PPP1R16B: variants seen among roughly 807,000 people sequenced by gnomAD.
The protein encoded by PPP1R16B is protein phosphatase 1 regulatory inhibitor subunit 16B.
In PPP1R16B, 14 loss-of-function variants were observed where a neutral mutation model predicts 61.7. The ratio of observed to expected loss-of-function variants is 0.23; its 90% CI spans 0.15 to 0.35. The LOEUF (loss-of-function observed/expected upper bound fraction) is 0.35, where lower values mean the gene tolerates loss of function less well. Ranked by LOEUF, PPP1R16B falls within the 10% of genes least tolerant of loss-of-function variation. The probability of loss-of-function intolerance (pLI) is 1.00; values close to 1 mark genes in which losing one functional copy is unlikely to be tolerated. For missense variants in PPP1R16B, 547 were observed against 752.5 expected (o/e 0.73, Z 3.19); for synonymous variants, 266 against 305.3 (o/e 0.87, Z 1.34).
Position 38,851,263 on chromosome 20 carries a change from G to A in PPP1R16B, c.250+15088G>A, listed in dbSNP as rs144227806. ...GTGGATCACCAGAGGTCAGGAGTTC[G>A]AGACCAGCCTGGCCAACATGGTGAA... On this transcript the variant is annotated intron_variant, in intron 2 of 10. Transcript: ENST00000299824. Among the ~76,000 whole-genome samples the A allele has an allele frequency of 7.7e-3, 1,169 of 152,052 alleles. 5 individuals are homozygous for A. The highest frequency in any genetic ancestry group is 0.014 in the Non-Finnish European group (921 of 67,956).
chr20:38,829,501 T>C (rs1404850813), intron 1 of PPP1R16B, among the ~76,000 whole-genome samples: 1 of 152,236 alleles, frequency 6.6e-6, no homozygotes, highest in Admixed American at 6.5e-5. Context: ...TATGTCTCCA[T>C]GGAGCTGGTT....
intron 2 of PPP1R16B, among the ~76,000 whole-genome samples, chr20:38,862,924 C>G (rs373415565): frequency 6.6e-6 from 1 of 152,112 alleles, no homozygotes; most frequent in Non-Finnish European, 1.5e-5. Flanking sequence ...TTCTGATGTT[C>G]GAAAGAGGGT....
At chr20:38,858,169 A>G (rs2085021231) in intron 2 of PPP1R16B, among the ~76,000 whole-genome samples, 1 of 151,984 alleles carries the variant, frequency 6.6e-6, no homozygotes, top group Non-Finnish European at 1.5e-5. Flanking sequence ...CTATCTCCCA[A>G]AAGTCCCATC....
intron 3 of PPP1R16B, among the ~76,000 whole-genome samples, chr20:38,892,752 C>A (rs945362707): frequency 6.6e-6 from 1 of 152,136 alleles, no homozygotes; most frequent in African/African-American, 2.4e-5. Context: ...AGAAAGACTT[C>A]TAAGAGGAAG....
At chr20:38,890,299 C>A (rs1308099104) in intron 3 of PPP1R16B, among the ~76,000 whole-genome samples, 1 of 152,242 alleles carries the variant, frequency 6.6e-6, no homozygotes, top group Non-Finnish European at 1.5e-5. Flanking sequence ...ACTCAAAGTT[C>A]TCTGGTGTCT....
intron 3 of PPP1R16B, 28 bp downstream of exon 3, chr20:38,889,693 G>A (rs760219719): frequency 6.5e-7 from 1 of 1,539,992 alleles, no homozygotes; most frequent in Non-Finnish European, 9.0e-7. Flanking sequence ...GGGGCTCCAG[G>A]GCTCCCTGCC....
intron 2 of PPP1R16B, among the ~76,000 whole-genome samples, chr20:38,846,482 A>G (rs998952388): frequency 6.6e-6 from 1 of 152,146 alleles, no homozygotes; most frequent in Non-Finnish European, 1.5e-5. Flanking sequence ...GTGGCATCTC[A>G]GAAGCCTGGA....
intron 6 of PPP1R16B, 85 bp from the exon 7 acceptor site, chr20:38,905,884 G>A (rs931069942): frequency 7.2e-7 from 1 of 1,390,508 alleles, no homozygotes; most frequent in Non-Finnish European, 9.8e-7. Flanking sequence ...AGGATGCTGT[G>A]GGAGTTGGGT....
intron 2 of PPP1R16B, among the ~76,000 whole-genome samples, chr20:38,847,714 T>G (rs2084943885): frequency 6.6e-6 from 1 of 152,120 alleles, no homozygotes; most frequent in Admixed American, 6.5e-5. Context: ...TTGTGTACGT[T>G]TATGTTTGTG....
At chr20:38,896,672 C>A (rs1461695013) in intron 4 of PPP1R16B, among the ~76,000 whole-genome samples, 1 of 152,030 alleles carries the variant, frequency 6.6e-6, no homozygotes, top group African/African-American at 2.4e-5. Context: ...GTATTAAGTA[C>A]ATTCATATTG....
chr20:38,878,336 G>C (rs2085183165), intron 2 of PPP1R16B, among the ~76,000 whole-genome samples: 2 of 152,306 alleles, frequency 1.3e-5, no homozygotes, highest in South Asian at 4.1e-4. Flanking sequence ...AGACAGGGGA[G>C]GTAGTTTTGG....
intron 2 of PPP1R16B, among the ~76,000 whole-genome samples, chr20:38,884,011 T>TTGTGGGCAAGAAGCTGCCCTGAG (rs1208847181): frequency 1.7e-4 from 26 of 152,230 alleles, no homozygotes; most frequent in African/African-American, 6.3e-4. Context: ...ACTTGGGGCT[T>TTGTGGGCAAGAAGCTGCCCTGAG]TGTGGGCAAG....
intron 3 of PPP1R16B, among the ~76,000 whole-genome samples, chr20:38,894,450 C>T (rs764878547): frequency 2.0e-5 from 3 of 152,238 alleles, no homozygotes; most frequent in African/African-American, 4.8e-5. Context: ...TCCCAACGTG[C>T]ACACATGTAC....
chr20:38,883,357 T>A (rs898128605), intron 2 of PPP1R16B, among the ~76,000 whole-genome samples: 4 of 152,188 alleles, frequency 2.6e-5, no homozygotes, highest in African/African-American at 9.6e-5. Context: ...CACAAGCTTG[T>A]CAGCGGTGAT....
chr20:38,852,768 T>TTTTGGGG (rs1601257219), intron 2 of PPP1R16B, among the ~76,000 whole-genome samples: 9 of 62,380 alleles, frequency 1.4e-4, no homozygotes, highest in Non-Finnish European at 2.4e-4. Context: ...TTTTTTTTTT[T>TTTTGGGG]GCGGGGGGTG....
chr20:38,908,170 A>G lies in PPP1R16B; in HGVS notation c.1171A>G (p.Thr391Ala), dbSNP rs1256694105. The G allele has an allele frequency of 1.9e-6, 3 of 1,614,150 alleles. No individual in the cohort carries two copies. Among genetic ancestry groups the G allele is most frequent in the African/African-American group, 2.7e-5 (2 of 74,952 alleles). Residue 391 changes from threonine (T) to alanine (A), a missense_variant, in exon 10 of 11, where the codon ACA (threonine) becomes GCA (alanine). Thr to Ala is a moderately conservative substitution (Grantham distance 58). Transcript: ENST00000299824. ...CAACGGGGACATCAGGGAGACCAGG[A>G]CAGACCAAGAGAATAAGGACCCTGT... The part of the protein sequence containing the change: ...TYNGDIRETR[T>A]DQENKDPNPR...
rs567793019 is a variant in PPP1R16B at position 38,906,848 on chromosome 20, C to A, written c.823-131C>A. The A allele has an allele frequency of 9.0e-5, 67 of 742,020 alleles. No homozygotes were observed. In the Middle Eastern group the frequency reaches 1.5e-3, roughly 17 times the overall value. The allele number at this position is 742,020 out of a possible 1,614,324, so 46.0% of individuals were successfully genotyped here. On this transcript the variant is annotated intron_variant, in intron 7 of 10. Coordinates refer to ENST00000299824, the MANE Select transcript of PPP1R16B (RefSeq NM_015568.4). The stretch of plus-strand genomic sequence containing the variant: ...TCCCCCCATGGCTCTAGTTTGCAGG[C>A]CTTCCCTGGAAATCAACTTTGTCCC...
chr20:38,827,352 C>T (rs2015901), intron 1 of PPP1R16B, among the ~76,000 whole-genome samples: 102,941 of 152,076 alleles, frequency 0.68, 35,103 homozygotes, highest in African/African-American at 0.73. Context: ...CATGATTCTT[C>T]TCCTGGGAAA....
intron 1 of PPP1R16B, among the ~76,000 whole-genome samples, chr20:38,818,385 G>C (rs2084752789): frequency 6.6e-6 from 1 of 152,132 alleles, no homozygotes; most frequent in East Asian, 1.9e-4. Context: ...GTGAGTTGGG[G>C]GAGGGGAGGG....
Sources: allele counts gnomAD v4.1 joint callset (sites outside exome capture counted in the v4.1 genomes callset), GRCh38; gene constraint gnomAD v4.1.1; transcripts MANE v1.5; gene names NCBI Gene and HGNC (gene_info 2026-07-23, HGNC 2026-07-21).